Variants in SCD5 observed in about 807,000 individuals in gnomAD.
SCD5 encodes stearoyl-CoA desaturase 5.
Under a neutral mutation model 30.4 loss-of-function variants are expected in SCD5, and 20 were observed. The ratio of observed to expected loss-of-function variants is 0.66; its 90% CI spans 0.46 to 0.96. SCD5 has a LOEUF of 0.96. SCD5 is among the 40% of genes least tolerant of loss of function. The pLI is 0.00. For synonymous variants in SCD5, 173 were observed against 176.4 expected (o/e 0.98, Z 0.16); for missense variants, 381 against 443.3 (o/e 0.86, Z 1.26).
intron 1 of SCD5, among the ~76,000 whole-genome samples, chr4:82,751,308 A>G (rs576939869): frequency 6.6e-6 from 1 of 152,090 alleles, no homozygotes; most frequent in East Asian, 1.9e-4. Context: ...CAATCCTCCC[A>G]CATCAGCCTC....
chr4:82,792,375 T>C (rs1376359840), intron 1 of SCD5, among the ~76,000 whole-genome samples: 2 of 152,066 alleles, frequency 1.3e-5, no homozygotes, highest in African/African-American at 4.8e-5. Context: ...GAGGTAATAA[T>C]AGTAGATAGC....
chr4:82,661,675 CTT>C (rs963743337), intron 3 of SCD5, among the ~76,000 whole-genome samples: 35 of 152,184 alleles, frequency 2.3e-4, no homozygotes, highest in African/African-American at 7.2e-4. Context: ...TCAGATGCCT[CTT>C]GTTTAAACAA....
chr4:82,690,761 A>G (rs374483482), intron 2 of SCD5, among the ~76,000 whole-genome samples: 12 of 152,266 alleles, frequency 7.9e-5, no homozygotes, highest in African/African-American at 2.9e-4. Context: ...ACTCATTCTT[A>G]TCTTTCCCAT....
rs111503605 is a variant in SCD5, at chr4:82,765,824, C to T, written c.232+32482G>A. ...TAGTAGAGGCGGGGTTTCACCATGT[C>T]GGCCAGACTGGTCTCATACTCCTGG... On this transcript the variant is annotated intron_variant, in intron 1 of 4. Coordinates refer to ENST00000319540, the MANE Select transcript of SCD5 (RefSeq NM_001037582.3). Among the ~76,000 whole-genome samples, 841 of 152,000 alleles carry T rather than the reference C, an allele frequency of 5.5e-3. 8 individuals are homozygous for T. Among genetic ancestry groups the T allele is most frequent in the African/African-American group, 0.019 (793 of 41,480 alleles).
At chr4:82,634,528 G>A (rs752244208) in intron 4 of SCD5, among the ~76,000 whole-genome samples, 12 of 152,048 alleles carry the variant, frequency 7.9e-5, no homozygotes, top group Admixed American at 2.6e-4. Context: ...ATTAAAGAGC[G>A]GTATGGAAAA....
intron 1 of SCD5, among the ~76,000 whole-genome samples, chr4:82,737,400 T>C (rs1720774990): frequency 6.6e-6 from 1 of 152,314 alleles, no homozygotes; most frequent in East Asian, 1.9e-4. Context: ...GGATGTTAAT[T>C]TTTTTCATTC....
intron 3 of SCD5, among the ~76,000 whole-genome samples, chr4:82,638,236 T>C (rs1578000048): frequency 6.6e-6 from 1 of 152,064 alleles, no homozygotes; most frequent in African/African-American, 2.4e-5. Context: ...TTTTTATTCT[T>C]TTACCCTTCT....
chr4:82,759,649 A>AGCAAGAACCCCGTCTT (rs1721313180), intron 1 of SCD5, among the ~76,000 whole-genome samples: 1 of 47,966 alleles, frequency 2.1e-5, no homozygotes, highest in Non-Finnish European at 4.6e-5. Flanking sequence ...ACCCCGTCTT[A>AGCAAGAACCCCGTCTT]AAAAAAAAAA....
chr4:82,631,469 G>T lies in SCD5; in HGVS notation c.851C>A (p.Ala284Glu). 1.2e-6 allele frequency: 2 copies of T among 1,614,180 alleles called. No homozygotes were observed. The highest frequency in any genetic ancestry group is 1.7e-6 in the Non-Finnish European group (2 of 1,180,024). ...YHHTFPFDYS[A>E]SEFGLNFNPT... Reference sequence around the variant, plus strand: ...GTTAAAATTTAAGCCAAATTCACTCGCAGAGTAGTCAAAGGGAAAGGTGTG... The same window carrying T: ...GTTAAAATTTAAGCCAAATTCACTCTCAGAGTAGTCAAAGGGAAAGGTGTG... Residue 284 changes from alanine (A) to glutamate (E), a missense_variant, in exon 5 of 5, where the codon GCG becomes GAG. Transcript: ENST00000319540.
chr4:82,760,277 A>G (rs1286520820), intron 1 of SCD5, among the ~76,000 whole-genome samples: 1 of 151,944 alleles, frequency 6.6e-6, no homozygotes, highest in Non-Finnish European at 1.5e-5. Context: ...TTGATTTTCC[A>G]CCATCCATGC....
chr4:82,661,040 G>A, intron 3 of SCD5: 1 of 1,613,906 alleles, frequency 6.2e-7, no homozygotes, highest in Non-Finnish European at 8.5e-7. Context: ...GCTGCCTCTT[G>A]ATTGAGAGCT....
intron 1 of SCD5, among the ~76,000 whole-genome samples, chr4:82,794,313 C>T (rs946111294): frequency 5.3e-5 from 8 of 152,168 alleles, no homozygotes; most frequent in Non-Finnish European, 1.2e-4. Flanking sequence ...GGTGCTGTCA[C>T]TGAAGTTATC....
At chr4:82,752,121 A>G (rs1178468614) in intron 1 of SCD5, among the ~76,000 whole-genome samples, 1 of 152,184 alleles carries the variant, frequency 6.6e-6, no homozygotes, top group African/African-American at 2.4e-5. Context: ...AATCACCATC[A>G]CAAGGCCTGA....
chr4:82,671,024 G>C (rs899703844), intron 3 of SCD5, among the ~76,000 whole-genome samples: 2 of 152,086 alleles, frequency 1.3e-5, no homozygotes, highest in Non-Finnish European at 2.9e-5. Context: ...GACACTTATA[G>C]ATTAAAACTA....
At chr4:82,709,654 G>A (rs2148828689) in intron 1 of SCD5, among the ~76,000 whole-genome samples, 1 of 152,300 alleles carries the variant, frequency 6.6e-6, no homozygotes, top group African/African-American at 2.4e-5. Context: ...ATCCATGGAT[G>A]GAAGGAAACA....
rs144877406 is a variant in SCD5 at position 82,757,542 on chromosome 4, C to G, written c.232+40764G>C. ...AATCCAGAGACGGGAATTATACTGCCTGAAGCCACACAGCTAGTAAGTGAC... is the reference window on the plus strand; with the variant it reads ...AATCCAGAGACGGGAATTATACTGCGTGAAGCCACACAGCTAGTAAGTGAC... On this transcript the variant is annotated intron_variant, in intron 1 of 4. Transcript: ENST00000319540. Among the ~76,000 whole-genome samples, 143 of 152,326 alleles carry G rather than the reference C, an allele frequency of 9.4e-4. 2 individuals carry two copies. The highest frequency in any genetic ancestry group is 3.3e-3 in the African/African-American group (136 of 41,572).
At chr4:82,786,784 CT>C (rs1316199966) in intron 1 of SCD5, among the ~76,000 whole-genome samples, 1 of 114,454 alleles carries the variant, frequency 8.7e-6, no homozygotes, top group African/African-American at 3.1e-5. Flanking sequence ...AAGAGCGAGA[CT>C]TTGCCTTAAA....
chr4:82,697,531 G>T lies in SCD5; in HGVS notation c.363+7752C>A, dbSNP rs1376451492. ...ACTGTCACATTTTCATCCCCTTGAG[G>T]TTCATTTTCTTAGATGATTTCTCTC... is the stretch of plus-strand genomic sequence containing the variant. On this transcript the variant is annotated intron_variant, in intron 2 of 4. Coordinates refer to ENST00000319540, the MANE Select transcript of SCD5 (RefSeq NM_001037582.3). 2.6e-5 allele frequency among the ~76,000 whole-genome samples: 4 copies of T among 152,096 alleles called. No homozygotes were observed. In the East Asian group the frequency reaches 7.7e-4, roughly 29 times the overall value.
At chr4:82,643,418 C>T (rs1293649524) in intron 3 of SCD5, among the ~76,000 whole-genome samples, 1 of 152,144 alleles carries the variant, frequency 6.6e-6, no homozygotes, top group African/African-American at 2.4e-5. Flanking sequence ...TTCATATATG[C>T]TGCAACATGG....
Sources: gnomAD v4.1 joint callset for allele counts (sites outside exome capture counted in the v4.1 genomes callset) on GRCh38, gnomAD v4.1.1 for gene constraint, MANE v1.5 for transcripts, NCBI Gene and HGNC (gene_info 2026-07-23, HGNC 2026-07-21) for gene names.